Variants in PLPP1 observed in about 807,000 individuals in gnomAD.
PLPP1 encodes lipid phosphate phosphohydrolase 1a.
In PLPP1, 24 loss-of-function variants were observed where a neutral mutation model predicts 31.2. That is an observed-to-expected ratio of 0.77 (90% CI 0.56 to 1.08). The LOEUF is 1.08. Ranked by LOEUF, PLPP1 falls within the 50% of genes least tolerant of loss-of-function variation. The pLI, the probability that PLPP1 is intolerant of heterozygous loss-of-function variation, is 0.00. For synonymous variants in PLPP1, 146 were observed against 126.3 expected, an observed-to-expected ratio of 1.16 and a Z score of -1.05; for missense variants, 319 against 342.7, an observed-to-expected ratio of 0.93 and a Z score of 0.55.
At chr5:55,473,253 T>C (rs1752460599) in intron 2 of PLPP1, among the ~76,000 whole-genome samples, 1 of 152,198 alleles carries the variant, frequency 6.6e-6, no homozygotes. Flanking sequence ...CCTGATTTCC[T>C]AAAACTTCCC....
At chr5:55,534,084 C>A (rs116718176) in intron 1 of PLPP1, among the ~76,000 whole-genome samples, 163 of 152,276 alleles carry the variant, frequency 1.1e-3, no homozygotes, top group African/African-American at 3.9e-3. Flanking sequence ...CAATTTACAA[C>A]CTGGCACACC....
intron 1 of PLPP1, among the ~76,000 whole-genome samples, chr5:55,527,155 T>C (rs1056345385): frequency 2.0e-5 from 3 of 152,098 alleles, no homozygotes; most frequent in Non-Finnish European, 4.4e-5. Context: ...CAAGTGAGAA[T>C]CTTCCCAAAA....
intron 3 of PLPP1, among the ~76,000 whole-genome samples, chr5:55,458,136 C>A (rs558002879): frequency 7.3e-4 from 111 of 152,190 alleles, no homozygotes; most frequent in African/African-American, 2.4e-3. Context: ...TTTCTAGAAT[C>A]AAAAACAAGA....
At chr5:55,428,111 CT>C (rs2111658939) in intron 4 of PLPP1, among the ~76,000 whole-genome samples, 1 of 152,330 alleles carries the variant, frequency 6.6e-6, no homozygotes, top group Admixed American at 6.5e-5. Context: ...TAAGTGAAGT[CT>C]TTCCCCCTAT....
intron 1 of PLPP1, among the ~76,000 whole-genome samples, chr5:55,497,563 T>C (rs1044832809): frequency 3.9e-5 from 6 of 151,918 alleles, no homozygotes; most frequent in Non-Finnish European, 2.9e-5. Flanking sequence ...ACCACAGAAC[T>C]TTTAATAAAA....
At chr5:55,449,897 G>A (rs1409651181) in intron 3 of PLPP1, among the ~76,000 whole-genome samples, 2 of 151,826 alleles carry the variant, frequency 1.3e-5, no homozygotes, top group African/African-American at 4.8e-5. Context: ...CTCCCAAAGG[G>A]TACAGAGATG....
Position 55,448,254 on chromosome 5 carries a change from A to G in PLPP1, c.492-6346T>C, listed in dbSNP as rs544708201. Among the ~76,000 whole-genome samples, 138 of 152,314 alleles carry G rather than the reference A, an allele frequency of 9.1e-4. 1 individual carries two copies. The highest frequency in any genetic ancestry group is 1.8e-3 in the Non-Finnish European group (120 of 68,030). ...TCACATCTAAGATACTTAAGGAATCAAGTAGGTGATGAATGAGAAAATGAG... is the reference window on the plus strand; with the variant it reads ...TCACATCTAAGATACTTAAGGAATCGAGTAGGTGATGAATGAGAAAATGAG... On this transcript the variant is annotated intron_variant, in intron 3 of 5. Coordinates refer to ENST00000307259, the MANE Select transcript of PLPP1 (RefSeq NM_003711.4).
intron 5 of PLPP1, 68 bp downstream of exon 5, chr5:55,425,795 T>TA: frequency 7.2e-7 from 1 of 1,384,850 alleles, no homozygotes; most frequent in Admixed American, 2.6e-5. Context: ...TTTTGGATTT[T>TA]TTTTTTCTAT....
chr5:55,425,813 T>G, intron 5 of PLPP1, 50 bp downstream of exon 5: 1 of 1,437,596 alleles, frequency 7.0e-7, no homozygotes, highest in Non-Finnish European at 9.3e-7. Context: ...TATTTACTTA[T>G]ATAAATGTTT....
intron 1 of PLPP1, among the ~76,000 whole-genome samples, chr5:55,512,713 C>T (rs1753462771): frequency 7.5e-6 from 1 of 132,668 alleles, no homozygotes; most frequent in Non-Finnish European, 1.6e-5. Flanking sequence ...GAGTAAAATA[C>T]ATTATAAACT....
At chr5:55,489,887 C>T (rs1342682952) in intron 1 of PLPP1, among the ~76,000 whole-genome samples, 2 of 152,084 alleles carry the variant, frequency 1.3e-5, no homozygotes, top group Non-Finnish European at 2.9e-5. Context: ...TGCCAAGACA[C>T]TCAAGGAGGT....
chr5:55,444,897 G>A lies in PLPP1; in HGVS notation c.492-2989C>T, dbSNP rs375526658. Among the ~76,000 whole-genome samples, 40 of 151,950 alleles carry A rather than the reference G, an allele frequency of 2.6e-4. No individual in the cohort carries two copies. In the Middle Eastern group the frequency reaches 0.014, roughly 52 times the overall value. On this transcript the variant is annotated intron_variant, in intron 3 of 5. Coordinates refer to ENST00000307259, the MANE Select transcript of PLPP1 (RefSeq NM_003711.4). Reference sequence around the variant, plus strand: ...CCTGAGTAGCTGGGACTACAGGTGCGCACCACCACGCCCAGCTAATTGTTG... The same window carrying A: ...CCTGAGTAGCTGGGACTACAGGTGCACACCACCACGCCCAGCTAATTGTTG...
intron 1 of PLPP1, among the ~76,000 whole-genome samples, chr5:55,528,443 G>A (rs1579989021): frequency 6.6e-6 from 1 of 152,318 alleles, no homozygotes; most frequent in Admixed American, 6.5e-5. Context: ...GCCCTTCAGG[G>A]CAGGGATTAT....
intron 2 of PLPP1, among the ~76,000 whole-genome samples, chr5:55,474,610 C>T (rs1477817960): frequency 1.3e-5 from 2 of 152,298 alleles, no homozygotes; most frequent in Non-Finnish European, 2.9e-5. Flanking sequence ...AGAACTATAG[C>T]TTTTCTCTCC....
chr5:55,425,566 AAG>A (rs999858705), intron 5 of PLPP1: 97 of 462,964 alleles, frequency 2.1e-4, no homozygotes, highest in African/African-American at 1.7e-3. Context: ...TACTGAATAA[AAG>A]AGTTATTTCT....
At chr5:55,512,533 AAAG>A (rs1364687020) in intron 1 of PLPP1, among the ~76,000 whole-genome samples, 4 of 7,890 alleles carry the variant, frequency 5.1e-4, no homozygotes, top group Admixed American at 1.5e-3. Context: ...AGAAAGAAAG[AAAG>A]AAAGAAAGAA....
chr5:55,484,226 G>C (rs1195171196), intron 1 of PLPP1, among the ~76,000 whole-genome samples: 1 of 151,970 alleles, frequency 6.6e-6, no homozygotes, highest in Non-Finnish European at 1.5e-5. Context: ...ATAAATCTTT[G>C]GCCTGCCTTA....
chr5:55,447,668 G>C (rs907410809), intron 3 of PLPP1, among the ~76,000 whole-genome samples: 1 of 152,166 alleles, frequency 6.6e-6, no homozygotes, highest in East Asian at 1.9e-4. Context: ...AGACAAAGAG[G>C]AACTTTAATC....
At chr5:55,528,498 C>T (rs1476419510) in intron 1 of PLPP1, among the ~76,000 whole-genome samples, 4 of 152,172 alleles carry the variant, frequency 2.6e-5, no homozygotes, top group Non-Finnish European at 4.4e-5. Flanking sequence ...GTACTGGCCA[C>T]GAAGCTAGCC....
Sources: gnomAD v4.1 joint callset for allele counts (sites outside exome capture counted in the v4.1 genomes callset) on GRCh38, gnomAD v4.1.1 for gene constraint, MANE v1.5 for transcripts, NCBI Gene and HGNC (gene_info 2026-07-23, HGNC 2026-07-21) for gene names.